SHANK2: variants seen among roughly 807,000 people sequenced by gnomAD.
SHANK2 encodes SH3 and multiple ankyrin repeat domains 2.
A neutral mutation model predicts 133.7 loss-of-function variants in SHANK2; 43 were observed. The observed-to-expected ratio is 0.32, with a 90% CI of 0.25 to 0.41. The LOEUF (loss-of-function observed/expected upper bound fraction) is 0.41, where lower values mean the gene tolerates loss of function less well. Ranked by LOEUF, SHANK2 falls within the 10% of genes least tolerant of loss-of-function variation. SHANK2 has a pLI of 1.00. For missense variants in SHANK2, 1,994 were observed against 2,235.8 expected (o/e 0.89, Z 2.18); for synonymous variants, 1,017 against 952.8 (o/e 1.07, Z -1.24).
intron 10 of SHANK2, among the ~76,000 whole-genome samples, chr11:70,947,851 G>A (rs1362580359): frequency 6.6e-6 from 1 of 152,114 alleles, no homozygotes; most frequent in Non-Finnish European, 1.5e-5. Flanking sequence ...CGGATGCACA[G>A]ATTAAATGCC....
At chr11:70,874,170 A>G (rs1337604684) in intron 11 of SHANK2, among the ~76,000 whole-genome samples, 2 of 151,938 alleles carry the variant, frequency 1.3e-5, no homozygotes, top group Non-Finnish European at 2.9e-5. Flanking sequence ...TAATCTATCT[A>G]CCTACCTACC....
chr11:70,811,342 C>T (rs966863436), intron 12 of SHANK2, among the ~76,000 whole-genome samples: 1 of 152,264 alleles, frequency 6.6e-6, no homozygotes, highest in Admixed American at 6.5e-5. Flanking sequence ...GATTTCCACA[C>T]CCAAAGAGCT....
At chr11:71,229,094 A>G (rs1361614526) in intron 1 of SHANK2, among the ~76,000 whole-genome samples, 2 of 152,230 alleles carry the variant, frequency 1.3e-5, no homozygotes, top group African/African-American at 4.8e-5. Flanking sequence ...CCCACTTGAT[A>G]AAGAACATCT....
At chr11:70,735,078 G>A (rs1946374077) in intron 14 of SHANK2, among the ~76,000 whole-genome samples, 1 of 152,208 alleles carries the variant, frequency 6.6e-6, no homozygotes, top group Non-Finnish European at 1.5e-5. Flanking sequence ...CGCGGGGTCA[G>A]TGTGGGAAGG....
At chr11:71,121,705 C>T (rs1952086774) in intron 3 of SHANK2, among the ~76,000 whole-genome samples, 2 of 152,174 alleles carry the variant, frequency 1.3e-5, no homozygotes, top group Admixed American at 6.5e-5. Context: ...TTAGGTCTAA[C>T]ATTTAAGTCT....
intron 17 of SHANK2, among the ~76,000 whole-genome samples, chr11:70,602,041 G>C (rs77950809): frequency 0.088 from 13,364 of 152,234 alleles, 1,034 homozygotes; most frequent in African/African-American, 0.21. Context: ...CTCAGGGCGG[G>C]TCCCTCGTGG....
intron 17 of SHANK2, among the ~76,000 whole-genome samples, chr11:70,561,972 C>G (rs557057357): frequency 1.3e-5 from 2 of 152,310 alleles, no homozygotes; most frequent in East Asian, 3.9e-4. Context: ...TAGAGGCATT[C>G]CACACATTTT....
At chr11:70,597,461 G>C (rs1415654197) in intron 17 of SHANK2, among the ~76,000 whole-genome samples, 1 of 152,148 alleles carries the variant, frequency 6.6e-6, no homozygotes, top group East Asian at 1.9e-4. Flanking sequence ...GCGGCGGTAA[G>C]ATAAGAGGGT....
At chr11:70,769,238 G>A (rs1184419485) in intron 14 of SHANK2, among the ~76,000 whole-genome samples, 3 of 152,120 alleles carry the variant, frequency 2.0e-5, no homozygotes, top group South Asian at 2.1e-4. Context: ...ATCAGGGCCC[G>A]TGCTCCTGGC....
At chr11:70,568,094 T>C (rs1554982260) in intron 17 of SHANK2, among the ~76,000 whole-genome samples, 1 of 151,618 alleles carries the variant, frequency 6.6e-6, no homozygotes, top group Admixed American at 6.6e-5. Context: ...GGTGGTGGAG[T>C]CTGGCTCCGA....
intron 17 of SHANK2, among the ~76,000 whole-genome samples, chr11:70,544,084 T>C (rs918183989): frequency 5.9e-5 from 9 of 152,184 alleles, no homozygotes; most frequent in Non-Finnish European, 7.3e-5. Flanking sequence ...CGTTCCCATT[T>C]CTTAAGGCAA....
chr11:70,849,153 T>C (rs1399235119), intron 11 of SHANK2, among the ~76,000 whole-genome samples: 1 of 152,062 alleles, frequency 6.6e-6, no homozygotes. Context: ...ACCAACAAGA[T>C]ACATACACCC....
At chr11:70,803,147 T>C (rs1948085874) in intron 13 of SHANK2, among the ~76,000 whole-genome samples, 1 of 151,820 alleles carries the variant, frequency 6.6e-6, no homozygotes, top group Admixed American at 6.6e-5. Context: ...GGAAGCATGG[T>C]GGTGAGAGCG....
At chr11:71,170,401 C>G (rs1243275557) in intron 2 of SHANK2, among the ~76,000 whole-genome samples, 1 of 152,172 alleles carries the variant, frequency 6.6e-6, no homozygotes, top group Non-Finnish European at 1.5e-5. Context: ...CCAAATGTCA[C>G]TATGCATCAA....
chr11:70,659,127 G>A (rs575556074), intron 17 of SHANK2, among the ~76,000 whole-genome samples: 3 of 152,196 alleles, frequency 2.0e-5, no homozygotes, highest in Non-Finnish European at 2.9e-5. Context: ...TGGGGCCTCC[G>A]AACCCCTCGC....
Position 71,252,530 on chromosome 11 carries a change from C to G in SHANK2, c.-218G>C, listed in dbSNP as rs955089868. 1 of 150,894 alleles carries G rather than the reference C, an allele frequency of 6.6e-6. No homozygotes were observed. The allele number at this position is 150,894 out of a possible 1,614,324, so 9.3% of individuals were successfully genotyped here. A position where few individuals can be genotyped will look rare whatever the true frequency, so the allele number is the denominator to read the frequency against. On this transcript the variant is annotated 5_prime_UTR_variant, in exon 1 of 26. Coordinates refer to ENST00000601538, the MANE Select transcript of SHANK2 (RefSeq NM_012309.5). This position sits in a 1 kb window ranked among gnomAD's most constrained non-coding sequence, Gnocchi z 6.3. ...CGAGCGGCGCCGCGCCCAGCCCCGC[C>G]GGAGCTCAGGAGCCGCCGCCGCGGC...
chr11:70,484,608 C>T (rs2058776251), intron 25 of SHANK2, among the ~76,000 whole-genome samples: 1 of 152,196 alleles, frequency 6.6e-6, no homozygotes, highest in South Asian at 2.1e-4. Context: ...TCCAGACAGC[C>T]TCAGATAGAG....
intron 12 of SHANK2, among the ~76,000 whole-genome samples, chr11:70,811,145 C>T (rs1555053111): frequency 6.6e-6 from 1 of 152,042 alleles, no homozygotes; most frequent in Non-Finnish European, 1.5e-5. Context: ...GGCTTCCTCC[C>T]GAGGGGAAAG....
intron 10 of SHANK2, among the ~76,000 whole-genome samples, chr11:70,908,604 A>C (rs1555078430): frequency 6.6e-6 from 1 of 152,134 alleles, no homozygotes; most frequent in East Asian, 1.9e-4. Context: ...ATCGAGCAGA[A>C]GCTCCGAAGG....
Sources: gnomAD v4.1 joint callset for allele counts (sites outside exome capture counted in the v4.1 genomes callset) on GRCh38, gnomAD v4.1.1 for gene constraint, Gnocchi (gnomAD v3.1) non-coding constraint, MANE v1.5 for transcripts, NCBI Gene and HGNC (gene_info 2026-07-23, HGNC 2026-07-21) for gene names.